The following DSCAM variants were observed in gnomAD, a reference collection of about 807,000 sequenced individuals.
DSCAM encodes the protein cell adhesion molecule DSCAM.
A neutral mutation model predicts 217.7 loss-of-function variants in DSCAM; 47 were observed. The ratio of observed to expected loss-of-function variants is 0.22; its 90% CI spans 0.17 to 0.28. The LOEUF (loss-of-function observed/expected upper bound fraction) is 0.28. Ranked by LOEUF, DSCAM falls within the 10% of genes least tolerant of loss-of-function variation. The pLI is 1.00. For synonymous variants in DSCAM, 1,056 were observed against 1,015.3 expected (o/e 1.04, Z -0.76); for missense variants, 2,080 against 2,618.3 (o/e 0.79, Z 4.49).
At chr21:40,764,619 G>T (rs1265812490) in intron 1 of DSCAM, among the ~76,000 whole-genome samples, 33 of 152,102 alleles carry the variant, frequency 2.2e-4, no homozygotes, top group East Asian at 1.9e-4. Context: ...CAAAGGATTA[G>T]AAATCATTCT....
chr21:40,740,202 C>A (rs1601197024), intron 1 of DSCAM, among the ~76,000 whole-genome samples: 1 of 152,138 alleles, frequency 6.6e-6, no homozygotes, highest in East Asian at 1.9e-4. Flanking sequence ...ATACAGAAGT[C>A]TTCTTCGAGA....
intron 1 of DSCAM, among the ~76,000 whole-genome samples, chr21:40,760,009 T>C (rs1261737972): frequency 8.5e-6 from 1 of 118,254 alleles, no homozygotes; most frequent in East Asian, 2.4e-4. Flanking sequence ...ATTTATTTAT[T>C]TATGAGACAG....
intron 1 of DSCAM, among the ~76,000 whole-genome samples, chr21:40,802,329 T>C (rs193219211): frequency 1.6e-3 from 251 of 152,348 alleles, no homozygotes; most frequent in African/African-American, 5.7e-3. Flanking sequence ...TCTAGGTACC[T>C]TGAAAGTAGA....
At chr21:40,432,958 G>A (rs189960517) in intron 3 of DSCAM, among the ~76,000 whole-genome samples, 2 of 152,206 alleles carry the variant, frequency 1.3e-5, no homozygotes, top group Admixed American at 6.5e-5. Context: ...TTTCCCAGCT[G>A]TGAAAGCCAA....
chr21:40,376,221 G>A (rs979958857), intron 3 of DSCAM, among the ~76,000 whole-genome samples: 1 of 151,928 alleles, frequency 6.6e-6, no homozygotes, highest in African/African-American at 2.4e-5. Flanking sequence ...GCCTGCCGTC[G>A]CCAATTGATG....
intron 30 of DSCAM, among the ~76,000 whole-genome samples, chr21:40,046,254 T>TA (rs1321848654): frequency 1.3e-5 from 2 of 152,214 alleles, no homozygotes; most frequent in Non-Finnish European, 2.9e-5. Flanking sequence ...GAATCTAATC[T>TA]ATCATTCTGT....
chr21:40,192,346 T>A (rs921671773), intron 11 of DSCAM, among the ~76,000 whole-genome samples: 4 of 152,164 alleles, frequency 2.6e-5, no homozygotes, highest in African/African-American at 9.7e-5. Context: ...TGGGAGATAA[T>A]TGAATCATAG....
chr21:40,076,346 T>C (rs1389911578), intron 26 of DSCAM, among the ~76,000 whole-genome samples: 1 of 151,976 alleles, frequency 6.6e-6, no homozygotes, highest in African/African-American at 2.4e-5. Context: ...GCTAAGGAAA[T>C]GGCAGAAGAA....
intron 24 of DSCAM, among the ~76,000 whole-genome samples, chr21:40,081,869 G>A (rs1185357579): frequency 6.6e-6 from 1 of 152,080 alleles, no homozygotes; most frequent in Non-Finnish European, 1.5e-5. Context: ...CACTAAAACT[G>A]GCTTCATCTG....
chr21:40,409,515 A>T (rs974536349), intron 3 of DSCAM, among the ~76,000 whole-genome samples: 2 of 152,192 alleles, frequency 1.3e-5, no homozygotes, highest in African/African-American at 4.8e-5. Context: ...GTACTAGAGG[A>T]ATCCTAGTGA....
At chr21:40,402,679 T>G (rs1569105853) in intron 3 of DSCAM, among the ~76,000 whole-genome samples, 1 of 150,914 alleles carries the variant, frequency 6.6e-6, no homozygotes, top group Admixed American at 6.6e-5. Context: ...TTTATTTGTT[T>G]TTTTTTTTTT....
At chr21:40,420,516 G>A (rs2075413500) in intron 3 of DSCAM, among the ~76,000 whole-genome samples, 2 of 152,168 alleles carry the variant, frequency 1.3e-5, no homozygotes, top group African/African-American at 4.8e-5. Context: ...CAGGATTCAG[G>A]AGAGTTGGTT....
At chr21:40,264,852 A>T (rs2073502102) in intron 11 of DSCAM, among the ~76,000 whole-genome samples, 1 of 152,206 alleles carries the variant, frequency 6.6e-6, no homozygotes, top group African/African-American at 2.4e-5. Flanking sequence ...CAATATCAAT[A>T]TACACAAATC....
At chr21:40,605,475 C>T (rs1023908968) in intron 3 of DSCAM, among the ~76,000 whole-genome samples, 31 of 152,164 alleles carry the variant, frequency 2.0e-4, no homozygotes, top group Admixed American at 1.5e-3. Flanking sequence ...TTACGAAGGG[C>T]CAAATGATAA....
intron 3 of DSCAM, 61 bp from the exon 4 acceptor site, chr21:40,369,306 A>C: frequency 1.3e-6 from 2 of 1,531,502 alleles, no homozygotes; most frequent in Non-Finnish European, 1.7e-6. Context: ...AACCACACAG[A>C]CAAAGTCCTT....
At chr21:40,667,556 C>G (rs548252029) in intron 3 of DSCAM, among the ~76,000 whole-genome samples, 6 of 152,270 alleles carry the variant, frequency 3.9e-5, no homozygotes, top group Admixed American at 1.3e-4. Context: ...TGTGTCCTCA[C>G]CAACATCTCA....
At chr21:40,256,593 G>A (rs2073375698) in intron 11 of DSCAM, among the ~76,000 whole-genome samples, 1 of 150,012 alleles carries the variant, frequency 6.7e-6, no homozygotes, top group African/African-American at 2.5e-5. Context: ...GGGTCCGAAG[G>A]AGGCAGCATC....
chr21:40,578,229 C>G (rs73902688), intron 3 of DSCAM, among the ~76,000 whole-genome samples: 1 of 152,056 alleles, frequency 6.6e-6, no homozygotes. Flanking sequence ...CAGAGACACT[C>G]TTACACACCT....
chr21:40,240,770 A>G (rs1384150070), intron 11 of DSCAM, among the ~76,000 whole-genome samples: 3 of 152,238 alleles, frequency 2.0e-5, no homozygotes, highest in Non-Finnish European at 4.4e-5. Flanking sequence ...CATGCATGCC[A>G]TTTGTGACGA....
Sources: gnomAD v4.1 joint callset for allele counts (sites outside exome capture counted in the v4.1 genomes callset) on GRCh38, gnomAD v4.1.1 for gene constraint, MANE v1.5 for transcripts, NCBI Gene and HGNC (gene_info 2026-07-23, HGNC 2026-07-21) for gene names.